The following ZNF638 variants were observed in gnomAD, a reference collection of about 807,000 sequenced individuals.
ZNF638 encodes the protein zinc finger protein 638.
A neutral mutation model predicts 195.6 loss-of-function variants in ZNF638; 46 were observed. That is an observed-to-expected ratio of 0.24 (90% confidence interval 0.19 to 0.30). The LOEUF (loss-of-function observed/expected upper bound fraction) is 0.30, where lower values mean the gene tolerates loss of function less well. ZNF638 is among the 10% of genes least tolerant of loss of function. The pLI is 1.00. For missense variants in ZNF638, 2,440 were observed against 2,325.3 expected (o/e 1.05, Z -1.01); for synonymous variants, 845 against 772.0 (o/e 1.09, Z -1.57).
chr2:71,431,243 GAA>G, intron 25 of ZNF638, 82 bp from the exon 26 acceptor site: 1 of 1,235,638 alleles, frequency 8.1e-7, no homozygotes, highest in Non-Finnish European at 1.1e-6. Context: ...CCCTGAGAAA[GAA>G]AAAGGTAAGA....
rs201755857 is a variant in ZNF638, at chr2:71,403,917, T to G, written c.2877T>G (p.Phe959Leu). ...NRKAAESMVK[F>L]YTCFPVLMDG... ...AAGCTGCTGAGTCTATGGTAAAATT[T>G]TATACCTGCTTCCCAGTATTGATGG... The change falls in exon 17 of 28, where the codon TTT becomes TTG. Residue 959 changes from phenylalanine to leucine, a missense_variant. Coordinates refer to ENST00000264447, the MANE Select transcript of ZNF638 (RefSeq NM_014497.5). 24 of 1,608,398 alleles carry G rather than the reference T, an allele frequency of 1.5e-5. No individual in the cohort carries two copies. The highest frequency in any genetic ancestry group is 1.7e-5 in the Non-Finnish European group (20 of 1,175,288).
At chr2:71,362,217 C>A (rs916024633) in intron 3 of ZNF638, among the ~76,000 whole-genome samples, 1 of 152,000 alleles carries the variant, frequency 6.6e-6, no homozygotes, top group Non-Finnish European at 1.5e-5. Context: ...CTTTGCTTTA[C>A]TCTAAAGTTG....
chr2:71,406,192 A>G lies in ZNF638; in HGVS notation c.3065A>G (p.Gln1022Arg), dbSNP rs2080102261. The stretch of plus-strand genomic sequence containing the variant: ...GATAATTTACCGGAAGATGGACTTC[A>G]GTGTGTACTTTGTGTTGGACTTCAG... ...HLDNLPEDGLQCVLCVGLQFG... is the reference protein window; with the variant it reads ...HLDNLPEDGLRCVLCVGLQFG... Residue 1022 changes from glutamine (Q) to arginine (R), a missense_variant, in exon 19 of 28, where the codon CAG becomes CGG. Physicochemically the swap from Gln to Arg is conservative, Grantham distance 43 (BLOSUM62 1). Transcript: ENST00000264447. The G allele has an allele frequency of 1.2e-6, 2 of 1,613,626 alleles. No homozygotes were observed. The highest frequency in any genetic ancestry group is 1.7e-6 in the Non-Finnish European group (2 of 1,179,612).
chr2:71,376,491 G>C (rs2079428063), intron 8 of ZNF638, among the ~76,000 whole-genome samples: 2 of 152,188 alleles, frequency 1.3e-5, no homozygotes, highest in Admixed American at 6.5e-5. Flanking sequence ...TTTTCTACCA[G>C]TGCAAGCCAA....
intron 20 of ZNF638, among the ~76,000 whole-genome samples, chr2:71,409,850 G>T (rs1289615852): frequency 1.3e-5 from 2 of 152,118 alleles, no homozygotes; most frequent in African/African-American, 4.8e-5. Context: ...TCTGAGTCAT[G>T]TCTGTTTTTT....
rs113113102 is a variant in ZNF638, at chr2:71,395,550, C to A, written c.2378-591C>A. 1.4e-3 allele frequency: 822 copies of A among 605,230 alleles called. 9 individuals are homozygous for A. Among genetic ancestry groups the A allele is most frequent in the African/African-American group, 0.013 (726 of 53,984 alleles). The allele number at this position is 605,230 out of a possible 1,614,324, so 37.5% of individuals were successfully genotyped here. A position where few individuals can be genotyped will look rare whatever the true frequency, so the allele number is the denominator to read the frequency against. On this transcript the variant is annotated intron_variant, in intron 10 of 27. Transcript: ENST00000264447. ...AATTTATCTAGACGAGTTTTATTTA[C>A]TTTTGCAGACCTTTGATCATCCTAT...
rs773444412 is a variant in ZNF638, at chr2:71,428,537, C to G, written c.5546-10C>G. On this transcript the variant is annotated splice_polypyrimidine_tract_variant and intron_variant, in intron 24 of 27. Coordinates refer to ENST00000264447, the MANE Select transcript of ZNF638 (RefSeq NM_014497.5). ...TACTAGAGCAATAAATTAGGACTTT[C>G]TTTTTAAAGCTAAAACTCCAACCAA... 3 of 1,608,196 alleles carry G rather than the reference C, an allele frequency of 1.9e-6. No individual in the cohort carries two copies. The highest frequency in any genetic ancestry group is 1.1e-5 in the South Asian group (1 of 90,438).
At chr2:71,354,752 A>G (rs1394394526) in intron 2 of ZNF638, among the ~76,000 whole-genome samples, 1 of 144,718 alleles carries the variant, frequency 6.9e-6, no homozygotes, top group Non-Finnish European at 1.5e-5. Context: ...AAAAGAAAAG[A>G]AAAAAAAAAA....
intron 5 of ZNF638, among the ~76,000 whole-genome samples, chr2:71,365,223 A>G (rs1333331782): frequency 6.6e-5 from 10 of 152,316 alleles, no homozygotes; most frequent in African/African-American, 2.4e-4. Flanking sequence ...GTGTAAAGCA[A>G]TCTCAAAACC....
intron 8 of ZNF638, chr2:71,379,961 G>A (rs187224342): frequency 1.7e-3 from 456 of 262,522 alleles, no homozygotes; most frequent in Non-Finnish European, 2.3e-3. Flanking sequence ...GGTTCAGCAC[G>A]AGCACGGTTT....
intron 3 of ZNF638, among the ~76,000 whole-genome samples, chr2:71,362,889 T>G (rs1442497280): frequency 6.6e-6 from 1 of 152,184 alleles, no homozygotes; most frequent in Non-Finnish European, 1.5e-5. Context: ...TAACCTAAGC[T>G]CGTATCTTGT....
intron 1 of ZNF638, among the ~76,000 whole-genome samples, chr2:71,347,104 C>T (rs1362189274): frequency 1.3e-5 from 2 of 151,906 alleles, no homozygotes; most frequent in Admixed American, 6.6e-5. Context: ...ATGGGGGTGA[C>T]CTTGAAGGAT....
intron 1 of ZNF638, among the ~76,000 whole-genome samples, chr2:71,345,908 A>C (rs2078843262): frequency 6.6e-6 from 1 of 152,206 alleles, no homozygotes; most frequent in African/African-American, 2.4e-5. Context: ...TTTGTAGAAG[A>C]CCACTCTTAG....
rs2078573908 is a variant in ZNF638, at chr2:71,331,840, G to T, written c.-238G>T. 1.0e-6 allele frequency: 1 copy of T among 986,130 alleles called. No individual in the cohort carries two copies. The highest frequency in any genetic ancestry group is 1.2e-6 in the Non-Finnish European group (1 of 830,228). 61.1% of individuals were successfully genotyped at this position (986,130 alleles called of 1,614,324 possible). A position where few individuals can be genotyped will look rare whatever the true frequency, so the allele number is the denominator to read the frequency against. ...GGCTGAGTGCTAAACTGTGTGGGGC[G>T]CGGATGGGATCCAGCTGTTAGTCGG... On this transcript the variant is annotated 5_prime_UTR_variant, in exon 1 of 28. Transcript: ENST00000264447.
At chr2:71,409,291 T>A (rs2080165095) in intron 20 of ZNF638, among the ~76,000 whole-genome samples, 1 of 152,152 alleles carries the variant, frequency 6.6e-6, no homozygotes, top group Non-Finnish European at 1.5e-5. Flanking sequence ...TTAAAATGAG[T>A]TAATAATCAA....
At chr2:71,390,263 A>T (rs368734258) in intron 10 of ZNF638, among the ~76,000 whole-genome samples, 2 of 152,172 alleles carry the variant, frequency 1.3e-5, no homozygotes, top group Non-Finnish European at 2.9e-5. Context: ...TCCTCGGTCA[A>T]TTGGAAAGCC....
Position 71,406,193 on chromosome 2 carries a change from G to C in ZNF638, c.3066G>C (p.Gln1022His). Residue 1022 changes from glutamine to histidine, a missense_variant, in exon 19 of 28, where the codon CAG (glutamine) becomes CAC (histidine). Physicochemically the swap from Gln to His is conservative, Grantham distance 24. Around this residue, in one of 5 missense-constraint regions of ZNF638, gnomAD observed 1,883 missense variants for 1,739.1 expected, o/e 1.08. Coordinates refer to ENST00000264447, the MANE Select transcript of ZNF638 (RefSeq NM_014497.5). ...ATAATTTACCGGAAGATGGACTTCA[G>C]TGTGTACTTTGTGTTGGACTTCAGT... ...HLDNLPEDGL[Q>H]CVLCVGLQFG... The C allele has an allele frequency of 6.2e-7, 1 of 1,613,684 alleles. No individual in the cohort carries two copies. Among genetic ancestry groups the C allele is most frequent in the South Asian group, 1.1e-5 (1 of 91,084 alleles).
At chr2:71,407,302 A>G (rs932269972) in intron 19 of ZNF638, 2 of 152,198 alleles carry the variant, frequency 1.3e-5, no homozygotes, top group African/African-American at 4.8e-5. Flanking sequence ...TGGGGCACAG[A>G]TGGCACATAG....
intron 23 of ZNF638, among the ~76,000 whole-genome samples, chr2:71,424,940 G>A (rs963639299): frequency 6.6e-6 from 1 of 151,910 alleles, no homozygotes; most frequent in African/African-American, 2.4e-5. Flanking sequence ...CGGGGGGAGC[G>A]GGCAAAATGT....
Sources: allele counts gnomAD v4.1 joint callset (sites outside exome capture counted in the v4.1 genomes callset), GRCh38; gene constraint gnomAD v4.1.1; regional missense constraint gnomAD v4.1.1; transcripts MANE v1.5; gene names NCBI Gene and HGNC (gene_info 2026-07-23, HGNC 2026-07-21).